TCF7L2: variants seen among roughly 807,000 people sequenced by gnomAD.
TCF7L2 encodes the protein transcription factor 7 like 2.
Under a neutral mutation model 77.9 loss-of-function variants are expected in TCF7L2, and 23 were observed. The ratio of observed to expected loss-of-function variants is 0.30; its 90% CI spans 0.21 to 0.42. TCF7L2 has a LOEUF of 0.42. TCF7L2 is among the 10% of genes least tolerant of loss of function. TCF7L2 has a pLI of 1.00. For synonymous variants in TCF7L2, 413 were observed against 340.2 expected (o/e 1.21, Z -2.36); for missense variants, 654 against 793.1 (o/e 0.82, Z 2.11).
chr10:113,136,981 T>G (rs942798994), intron 5 of TCF7L2, among the ~76,000 whole-genome samples: 7 of 152,028 alleles, frequency 4.6e-5, no homozygotes, highest in Non-Finnish European at 7.4e-5. Flanking sequence ...TTAAAGGCCC[T>G]TGCCCTGATC....
intron 5 of TCF7L2, chr10:113,089,410 C>T (rs770460556): frequency 6.2e-7 from 1 of 1,613,624 alleles, no homozygotes; most frequent in Non-Finnish European, 8.5e-7. Flanking sequence ...AGCCCCCTCC[C>T]TTGCTGCACT....
intron 3 of TCF7L2, among the ~76,000 whole-genome samples, chr10:112,954,641 C>CAAAT (rs1262581026): frequency 6.6e-6 from 1 of 152,096 alleles, no homozygotes; most frequent in Non-Finnish European, 1.5e-5. Flanking sequence ...ACTGTGGTAA[C>CAAAT]ATTTGTATAT....
At chr10:113,081,956 G>A (rs1406234080) in intron 5 of TCF7L2, among the ~76,000 whole-genome samples, 1 of 152,140 alleles carries the variant, frequency 6.6e-6, no homozygotes, top group Non-Finnish European at 1.5e-5. Context: ...TCCTGCCTCA[G>A]CCTCCTGAGT....
chr10:113,116,665 T>G lies in TCF7L2; in HGVS notation c.553-24519T>G, dbSNP rs575775348. Among the ~76,000 whole-genome samples, 20 of 117,830 alleles carry G rather than the reference T, an allele frequency of 1.7e-4. No individual in the cohort carries two copies. In the East Asian group the frequency reaches 5.8e-3, roughly 34 times the overall value. The allele number at this position is 117,830 out of a possible 152,430, so 77.3% of individuals were successfully genotyped here. A position where few individuals can be genotyped will look rare whatever the true frequency, so the allele number is the denominator to read the frequency against. ...CTGCTTCCCCCCCGCCCGCCCCAAGTGCATCCTACACATTTGGGCCTATTT... is the reference window on the plus strand; with the variant it reads ...CTGCTTCCCCCCCGCCCGCCCCAAGGGCATCCTACACATTTGGGCCTATTT... On this transcript the variant is annotated intron_variant, in intron 5 of 13. Transcript: ENST00000627217.
At chr10:113,028,370 T>C (rs1262732832) in intron 4 of TCF7L2, among the ~76,000 whole-genome samples, 2 of 152,136 alleles carry the variant, frequency 1.3e-5, no homozygotes, top group African/African-American at 4.8e-5. Flanking sequence ...TCACCCTGGC[T>C]TTGGGGTTTG....
chr10:112,977,800 TG>T (rs1564736204), intron 4 of TCF7L2, among the ~76,000 whole-genome samples: 1 of 152,116 alleles, frequency 6.6e-6, no homozygotes. Context: ...GGGAGGCAGC[TG>T]GGGTGTCGTC....
chr10:113,143,952 A>G lies in TCF7L2; in HGVS notation c.715A>G (p.Ile239Val), dbSNP rs772943194. The G allele has an allele frequency of 6.2e-7, 1 of 1,613,970 alleles. No individual in the cohort carries two copies. Among genetic ancestry groups the G allele is most frequent in the South Asian group, 1.1e-5 (1 of 91,056 alleles). ...CCCACGGCCTCCGCACCCTCCAGAT[A>G]TATCCCCGTATTACCCACTATCGCC... The change falls in exon 7 of 14, where the codon ATA becomes GTA. Residue 239 changes from isoleucine (I) to valine (V), a missense_variant. This residue lies in a region of TCF7L2 where 179 missense variants were observed against 270.6 expected (regional missense o/e 0.66). Transcript: ENST00000627217.
intron 5 of TCF7L2, among the ~76,000 whole-genome samples, chr10:113,086,199 G>A (rs182237870): frequency 3.3e-5 from 5 of 152,256 alleles, no homozygotes; most frequent in East Asian, 1.9e-4. Context: ...CCCTTGATTC[G>A]TGGATGGACA....
At chr10:113,141,531 A>G (rs1451111565) in intron 6 of TCF7L2, among the ~76,000 whole-genome samples, 1 of 152,148 alleles carries the variant, frequency 6.6e-6, no homozygotes, top group Non-Finnish European at 1.5e-5. Context: ...CCTTTGGAGA[A>G]GTTCATTTGC....
intron 6 of TCF7L2, among the ~76,000 whole-genome samples, chr10:113,142,722 A>T (rs1369743461): frequency 6.6e-6 from 1 of 152,200 alleles, no homozygotes; most frequent in Non-Finnish European, 1.5e-5. Flanking sequence ...AGCCGGCCCC[A>T]GGCTCCACCA....
At chr10:113,051,250 T>C (rs72826099) in intron 5 of TCF7L2, among the ~76,000 whole-genome samples, 6,457 of 99,586 alleles carry the variant, frequency 0.065, 230 homozygotes, top group African/African-American at 0.13. Flanking sequence ...CACAGACACA[T>C]ACATATGCAC....
chr10:113,139,050 T>A (rs2067879871), intron 5 of TCF7L2, among the ~76,000 whole-genome samples: 1 of 152,160 alleles, frequency 6.6e-6, no homozygotes, highest in African/African-American at 2.4e-5. Context: ...CTTCCACCCC[T>A]TAGTAATCAT....
intron 4 of TCF7L2, among the ~76,000 whole-genome samples, chr10:113,026,119 T>C (rs747377168): frequency 2.0e-5 from 3 of 151,978 alleles, no homozygotes; most frequent in South Asian, 4.1e-4. Flanking sequence ...CCTCAGGTGA[T>C]CTAACCACCT....
At chr10:113,089,641 G>A (rs946206106) in intron 5 of TCF7L2, 16 of 1,412,466 alleles carry the variant, frequency 1.1e-5, no homozygotes, top group South Asian at 2.9e-5. Context: ...CATCCACTGC[G>A]ATCCCTGAAT....
chr10:113,013,121 T>G (rs1285779076), intron 4 of TCF7L2, among the ~76,000 whole-genome samples: 2 of 149,812 alleles, frequency 1.3e-5, no homozygotes, highest in Admixed American at 1.3e-4. Flanking sequence ...GTGGTTTTTT[T>G]TTTTTTTTTT....
At chr10:113,073,821 C>T (rs955141832) in intron 5 of TCF7L2, among the ~76,000 whole-genome samples, 10 of 152,254 alleles carry the variant, frequency 6.6e-5, no homozygotes, top group African/African-American at 2.2e-4. Context: ...GACTGCCTGG[C>T]CCTGCTGCCT....
At chr10:113,165,264 G>A (rs1005761407) in intron 13 of TCF7L2, among the ~76,000 whole-genome samples, 7 of 152,172 alleles carry the variant, frequency 4.6e-5, no homozygotes, top group African/African-American at 1.4e-4. Flanking sequence ...TGCTGCTCTC[G>A]TATATAATTT....
At chr10:113,024,616 CTTTTTTTTTTTT>C (rs377705347) in intron 4 of TCF7L2, among the ~76,000 whole-genome samples, 1 of 124,804 alleles carries the variant, frequency 8.0e-6, no homozygotes, top group African/African-American at 2.9e-5. Context: ...TATATAAACC[CTTTTTTTTTTTT>C]TTTTTTTTGA....
chr10:113,154,965 G>A (rs2071550999), intron 11 of TCF7L2, among the ~76,000 whole-genome samples: 1 of 148,020 alleles, frequency 6.8e-6, no homozygotes, highest in Non-Finnish European at 1.5e-5. Context: ...TTTGAATGTG[G>A]TAGCAACTTA....
Sources: gnomAD v4.1 joint callset for allele counts (sites outside exome capture counted in the v4.1 genomes callset) on GRCh38, gnomAD v4.1.1 for gene constraint, gnomAD v4.1.1 regional missense constraint, MANE v1.5 for transcripts, NCBI Gene and HGNC (gene_info 2026-07-23, HGNC 2026-07-21) for gene names.